GAB2: variants seen among roughly 807,000 people sequenced by gnomAD.
The protein encoded by GAB2 is GRB2-associated-binding protein 2.
In GAB2, 26 loss-of-function variants were observed where a neutral mutation model predicts 65.5. The ratio of observed to expected loss-of-function variants is 0.40; its 90% CI spans 0.29 to 0.55. GAB2 has a LOEUF of 0.55. Ranked by LOEUF, GAB2 falls within the 20% of genes least tolerant of loss-of-function variation. The pLI is 0.53. For synonymous variants in GAB2, 321 were observed against 329.6 expected, an observed-to-expected ratio of 0.97 and a Z score of 0.28; for missense variants, 884 against 875.8, an observed-to-expected ratio of 1.01 and a Z score of -0.12.
chr11:78,352,676 A>G (rs1856297042), intron 1 of GAB2, among the ~76,000 whole-genome samples: 1 of 152,070 alleles, frequency 6.6e-6, no homozygotes, highest in African/African-American at 2.4e-5. Flanking sequence ...CCCATTCCTC[A>G]TTGATGGGAA....
At chr11:78,285,763 G>A (rs1186900251) in intron 1 of GAB2, among the ~76,000 whole-genome samples, 1 of 152,168 alleles carries the variant, frequency 6.6e-6, no homozygotes, top group Non-Finnish European at 1.5e-5. Flanking sequence ...CACGGCATGG[G>A]GCCCCATGTG....
In GAB2 at chr11:78,217,247, T is replaced by G. The variant is rs1264110023; in HGVS notation, c.*2025A>C. The G allele has an allele frequency of 1.3e-5, 2 of 152,346 alleles. No homozygotes were observed. The highest frequency in any genetic ancestry group is 4.8e-5 in the African/African-American group (2 of 41,460). The allele number at this position is 152,346 out of a possible 1,614,324, so 9.4% of individuals were successfully genotyped here. On this transcript the variant is annotated 3_prime_UTR_variant, in exon 10 of 10. Transcript: ENST00000361507. Reference sequence around the variant, plus strand: ...TCACCACTGTCTCATGTCCTTGTCCTTTTTCTGATTGTGGCTATCTTAAGT... The same window carrying G: ...TCACCACTGTCTCATGTCCTTGTCCGTTTTCTGATTGTGGCTATCTTAAGT...
chr11:78,338,972 G>C (rs781622365), intron 1 of GAB2, among the ~76,000 whole-genome samples: 10 of 152,066 alleles, frequency 6.6e-5, no homozygotes, highest in Non-Finnish European at 1.5e-4. Flanking sequence ...GCCCAGGCTG[G>C]AGTGCAGTGG....
At chr11:78,288,799 T>C (rs1866564838) in intron 1 of GAB2, among the ~76,000 whole-genome samples, 1 of 152,216 alleles carries the variant, frequency 6.6e-6, no homozygotes, top group African/African-American at 2.4e-5. Flanking sequence ...CCCACAAGAA[T>C]GTCTGTAGAT....
rs1017195824 is a variant in GAB2, at chr11:78,219,093, G to C, written c.*179C>G. On this transcript the variant is annotated 3_prime_UTR_variant, in exon 10 of 10. Coordinates refer to ENST00000361507, the MANE Select transcript of GAB2 (RefSeq NM_080491.3). Reference sequence around the variant, plus strand: ...CCCGAGTGGGCAGAGGAGGTGCCTTGATCAGGCCCTCACCTCCCAGGGGAA... The same window carrying C: ...CCCGAGTGGGCAGAGGAGGTGCCTTCATCAGGCCCTCACCTCCCAGGGGAA... The C allele has an allele frequency of 9.9e-6, 6 of 607,470 alleles. No individual in the cohort carries two copies. Among genetic ancestry groups the C allele is most frequent in the Non-Finnish European group, 1.7e-5 (6 of 351,124 alleles). 37.6% of individuals were successfully genotyped at this position (607,470 alleles called of 1,614,324 possible).
At chr11:78,278,091 CAG>C (rs900501835) in intron 2 of GAB2, among the ~76,000 whole-genome samples, 2 of 137,550 alleles carry the variant, frequency 1.5e-5, no homozygotes, top group African/African-American at 5.5e-5. Flanking sequence ...TTTTTTGAGA[CAG>C]AGTTTCACTG....
intron 1 of GAB2, among the ~76,000 whole-genome samples, chr11:78,328,145 G>A (rs1472395425): frequency 1.3e-5 from 2 of 152,150 alleles, no homozygotes; most frequent in Admixed American, 1.3e-4. Context: ...AAGATTCCGA[G>A]AAACGGATAT....
chr11:78,410,130 C>T (rs748362458), intron 1 of GAB2, among the ~76,000 whole-genome samples: 1 of 152,176 alleles, frequency 6.6e-6, no homozygotes, highest in Non-Finnish European at 1.5e-5. Flanking sequence ...ACAGCTAAAG[C>T]AGTGCTGAGA....
chr11:78,275,729 C>T (rs1866149047), intron 2 of GAB2, among the ~76,000 whole-genome samples: 1 of 152,034 alleles, frequency 6.6e-6, no homozygotes, highest in African/African-American at 2.4e-5. Flanking sequence ...TATATAGATG[C>T]ATATGTGTAT....
intron 9 of GAB2, among the ~76,000 whole-genome samples, chr11:78,219,797 T>G (rs537521362): frequency 5.9e-5 from 9 of 152,248 alleles, no homozygotes; most frequent in African/African-American, 2.2e-4. Flanking sequence ...CCACAGGACT[T>G]TACGTGCTGT....
At chr11:78,362,194 CTAATA>C (rs1288847412) in intron 1 of GAB2, among the ~76,000 whole-genome samples, 9 of 151,876 alleles carry the variant, frequency 5.9e-5, no homozygotes, top group African/African-American at 1.9e-4. Flanking sequence ...TCTAACATAT[CTAATA>C]TGTTAACAGG....
intron 1 of GAB2, among the ~76,000 whole-genome samples, chr11:78,346,294 C>A (rs1462495249): frequency 6.6e-6 from 1 of 152,068 alleles, no homozygotes; most frequent in Non-Finnish European, 1.5e-5. Context: ...AAGCTTCCAA[C>A]ACCCCCTTAT....
At chr11:78,306,293 C>T (rs564885131) in intron 1 of GAB2, among the ~76,000 whole-genome samples, 2 of 152,084 alleles carry the variant, frequency 1.3e-5, no homozygotes, top group African/African-American at 4.8e-5. Flanking sequence ...TGCAGTGGTG[C>T]GCCCTTGGCT....
chr11:78,297,932 A>G (rs1268882126), intron 1 of GAB2, among the ~76,000 whole-genome samples: 1 of 152,194 alleles, frequency 6.6e-6, no homozygotes, highest in African/African-American at 2.4e-5. Flanking sequence ...ATTGCTACCA[A>G]TGGCTCCTTG....
At chr11:78,330,173 G>C (rs570860533) in intron 1 of GAB2, among the ~76,000 whole-genome samples, 1 of 152,188 alleles carries the variant, frequency 6.6e-6, no homozygotes, top group East Asian at 1.9e-4. Context: ...GATCACCAGT[G>C]GTGTCCTAGG....
chr11:78,261,229 A>C (rs780662687), intron 2 of GAB2, among the ~76,000 whole-genome samples: 4 of 152,124 alleles, frequency 2.6e-5, no homozygotes, highest in Non-Finnish European at 5.9e-5. Context: ...TCGAGGTTGC[A>C]GTAAGCTGTG....
chr11:78,377,642 T>C (rs1218540917), intron 1 of GAB2, among the ~76,000 whole-genome samples: 2 of 152,204 alleles, frequency 1.3e-5, no homozygotes, highest in African/African-American at 2.4e-5. Flanking sequence ...CTCAGCTTTA[T>C]ATGGTCCTGG....
At chr11:78,377,147 A>G (rs1239403863) in intron 1 of GAB2, among the ~76,000 whole-genome samples, 3 of 152,144 alleles carry the variant, frequency 2.0e-5, no homozygotes, top group African/African-American at 7.2e-5. Flanking sequence ...AACCAATTAA[A>G]TCTATTTTCA....
chr11:78,223,716 G>C (rs772215680), intron 5 of GAB2, 40 bp from the exon 6 acceptor site: 3 of 1,516,610 alleles, frequency 2.0e-6, no homozygotes, highest in Non-Finnish European at 2.7e-6. Context: ...GCTGTTACTA[G>C]CAAGAAGAAA....
Sources: allele counts gnomAD v4.1 joint callset (sites outside exome capture counted in the v4.1 genomes callset), GRCh38; gene constraint gnomAD v4.1.1; transcripts MANE v1.5; gene names NCBI Gene and HGNC (gene_info 2026-07-23, HGNC 2026-07-21).